The following CADM2 variants were observed in gnomAD, a reference collection of about 807,000 sequenced individuals.
CADM2 encodes cell adhesion molecule 2, also known as immunoglobulin superfamily member 4D.
In CADM2, 12 loss-of-function variants were observed where a neutral mutation model predicts 49.8. The ratio of observed to expected loss-of-function variants is 0.24; its 90% CI spans 0.15 to 0.39. The LOEUF (loss-of-function observed/expected upper bound fraction) is 0.39, where lower values mean the gene tolerates loss of function less well. CADM2 is among the 10% of genes least tolerant of loss of function. The pLI, the probability that CADM2 is intolerant of heterozygous loss-of-function variation, is 1.00. For missense variants in CADM2, 378 were observed against 492.3 expected, an observed-to-expected ratio of 0.77 and a Z score of 2.20; for synonymous variants, 214 against 175.4, an observed-to-expected ratio of 1.22 and a Z score of -1.74.
intron 1 of CADM2, among the ~76,000 whole-genome samples, chr3:85,655,969 TC>T (rs1029332804): frequency 1.1e-4 from 14 of 125,020 alleles, no homozygotes; most frequent in African/African-American, 3.6e-4. Context: ...CTCCAAAAGT[TC>T]CTTTTTTTTT....
At chr3:85,196,283 GTT>G (rs2041341992) in intron 1 of CADM2, among the ~76,000 whole-genome samples, 1 of 151,836 alleles carries the variant, frequency 6.6e-6, no homozygotes, top group African/African-American at 2.4e-5. Context: ...ACTGTACAAG[GTT>G]TTATTTTGTG....
In CADM2 at chr3:85,113,245, C is replaced by T. The variant is rs529673722; in HGVS notation, c.61+153577C>T. Among the ~76,000 whole-genome samples the T allele has an allele frequency of 5.3e-5, 8 of 152,140 alleles. No individual in the cohort carries two copies. In the East Asian group the frequency reaches 1.2e-3, roughly 22 times the overall value. ...AATGCAGAGCTGAAAGTTGCTAAGA[C>T]GTTTGGCTCTGCTGCCCAGTAATTT... On this transcript the variant is annotated intron_variant, in intron 1 of 9. Coordinates refer to ENST00000383699, the MANE Select transcript of CADM2 (RefSeq NM_001167675.2).
chr3:85,666,461 T>C (rs2065572227), intron 1 of CADM2, among the ~76,000 whole-genome samples: 1 of 151,948 alleles, frequency 6.6e-6, no homozygotes, highest in Non-Finnish European at 1.5e-5. Context: ...ACAAGGTTTG[T>C]GGCTGAGACC....
At chr3:85,201,928 A>G (rs1159814803) in intron 1 of CADM2, among the ~76,000 whole-genome samples, 1 of 151,990 alleles carries the variant, frequency 6.6e-6, no homozygotes, top group Non-Finnish European at 1.5e-5. Flanking sequence ...TAAAAATACA[A>G]AAATTCGTTG....
At chr3:85,665,362 G>T (rs907048843) in intron 1 of CADM2, among the ~76,000 whole-genome samples, 5 of 151,544 alleles carry the variant, frequency 3.3e-5, no homozygotes, top group East Asian at 1.9e-4. Flanking sequence ...CATTTTAAAG[G>T]TTGTAATGAC....
chr3:85,508,334 C>A (rs2040449233), intron 1 of CADM2, among the ~76,000 whole-genome samples: 1 of 152,142 alleles, frequency 6.6e-6, no homozygotes, highest in Non-Finnish European at 1.5e-5. Context: ...TTTGTAGAAA[C>A]AGTTTCCTGG....
At chr3:85,413,352 T>A (rs923269227) in intron 1 of CADM2, among the ~76,000 whole-genome samples, 35 of 151,798 alleles carry the variant, frequency 2.3e-4, no homozygotes, top group Admixed American at 1.5e-3. Context: ...TGAAAGGAAA[T>A]AAAGTGGGCA....
At chr3:85,687,756 A>G (rs2107672977) in intron 1 of CADM2, among the ~76,000 whole-genome samples, 1 of 152,346 alleles carries the variant, frequency 6.6e-6, no homozygotes, top group Middle Eastern at 3.4e-3. Flanking sequence ...CTATTTCAAC[A>G]AAACTATCCA....
At chr3:85,926,529 A>G (rs1719899885) in intron 6 of CADM2, among the ~76,000 whole-genome samples, 2 of 152,310 alleles carry the variant, frequency 1.3e-5, no homozygotes, top group South Asian at 4.1e-4. Context: ...TATGAGTGTT[A>G]CCTAAATTTA....
chr3:85,211,074 T>C (rs927472437), intron 1 of CADM2, among the ~76,000 whole-genome samples: 1 of 152,156 alleles, frequency 6.6e-6, no homozygotes, highest in African/African-American at 2.4e-5. Context: ...TATTGGCATA[T>C]AATGATCACT....
chr3:85,615,873 G>A (rs1232057152), intron 1 of CADM2, among the ~76,000 whole-genome samples: 1 of 151,882 alleles, frequency 6.6e-6, no homozygotes, highest in Non-Finnish European at 1.5e-5. Context: ...GAGTTGGGTT[G>A]CTATCCATTT....
chr3:85,916,281 A>G (rs1190551182), intron 6 of CADM2, among the ~76,000 whole-genome samples: 1 of 151,756 alleles, frequency 6.6e-6, no homozygotes, highest in African/African-American at 2.4e-5. Flanking sequence ...TTAACTGGTC[A>G]TTTAGCGTTA....
intron 1 of CADM2, among the ~76,000 whole-genome samples, chr3:85,344,767 A>C (rs1322166629): frequency 6.6e-6 from 1 of 152,170 alleles, no homozygotes; most frequent in Non-Finnish European, 1.5e-5. Flanking sequence ...TGTACATTTG[A>C]ATCTACATTC....
At chr3:85,342,252 A>G (rs996705962) in intron 1 of CADM2, among the ~76,000 whole-genome samples, 5 of 152,168 alleles carry the variant, frequency 3.3e-5, no homozygotes, top group African/African-American at 1.2e-4. Flanking sequence ...GCCAACAGAC[A>G]TATGAAAAAA....
At chr3:85,300,397 T>G (rs2044067609) in intron 1 of CADM2, among the ~76,000 whole-genome samples, 1 of 152,174 alleles carries the variant, frequency 6.6e-6, no homozygotes, top group Non-Finnish European at 1.5e-5. Context: ...AATCATATTA[T>G]ATGAAAGGCA....
chr3:85,410,199 T>C (rs971926305), intron 1 of CADM2, among the ~76,000 whole-genome samples: 2 of 152,208 alleles, frequency 1.3e-5, no homozygotes, highest in African/African-American at 2.4e-5. Flanking sequence ...TATAAGTGTT[T>C]GTATTCATAT....
Position 85,935,521 on chromosome 3 carries a change from G to A in CADM2, c.701-246G>A, listed in dbSNP as rs147791729. 5.3e-5 allele frequency among the ~76,000 whole-genome samples: 8 copies of A among 152,100 alleles called. No homozygotes were observed. The East Asian group carries it at 1.5e-3, about 29-fold the overall frequency. On this transcript the variant is annotated intron_variant, in intron 6 of 9. Transcript: ENST00000383699. ...TTTTGCAATTTCTCTTTTAAATTCA[G>A]ATTTCAGAAATAATACAACAGTGGT... is the stretch of plus-strand genomic sequence containing the variant.
chr3:86,019,778 G>C (rs1301299216), intron 8 of CADM2, among the ~76,000 whole-genome samples: 2 of 152,074 alleles, frequency 1.3e-5, no homozygotes, highest in African/African-American at 4.8e-5. Flanking sequence ...GAGATTTTGG[G>C]CTGAGACAAT....
chr3:84,963,750 T>G (rs1235409207), intron 1 of CADM2, among the ~76,000 whole-genome samples: 2 of 152,210 alleles, frequency 1.3e-5, no homozygotes, highest in Non-Finnish European at 2.9e-5. Flanking sequence ...AAGCACATTA[T>G]AATACATCTT....
Sources: gnomAD v4.1 joint callset for allele counts (sites outside exome capture counted in the v4.1 genomes callset) on GRCh38, gnomAD v4.1.1 for gene constraint, MANE v1.5 for transcripts, NCBI Gene and HGNC (gene_info 2026-07-23, HGNC 2026-07-21) for gene names.